Variants in POTEF observed in about 807,000 individuals in gnomAD.
The protein encoded by POTEF is ANKRD26-like family C member 1B.
In POTEF, 20 loss-of-function variants were observed where a neutral mutation model predicts 83.2. The observed-to-expected ratio is 0.24, with a 90% CI of 0.17 to 0.35. POTEF has a LOEUF of 0.35. Among genes scored for constraint, POTEF ranks in the 10% least tolerant of loss-of-function variants. POTEF has a pLI of 1.00. For missense variants in POTEF, 550 were observed against 1,203.2 expected, an observed-to-expected ratio of 0.46 and a Z score of 8.03; for synonymous variants, 196 against 446.4, an observed-to-expected ratio of 0.44 and a Z score of 7.07.
chr2:130,110,814 T>C, intron 6 of POTEF, 134 bp from the exon 7 acceptor site: 1 of 923,270 alleles, frequency 1.1e-6, no homozygotes, highest in Middle Eastern at 4.1e-4. Flanking sequence ...GCAACCTGAG[T>C]GCTCAAGTGT....
chr2:130,104,327 T>A (rs1162716866), intron 8 of POTEF, among the ~76,000 whole-genome samples: 1 of 144,394 alleles, frequency 6.9e-6, no homozygotes, highest in Non-Finnish European at 1.5e-5. Context: ...TGTGTTTGAG[T>A]CAGCAATCTT....
intron 3 of POTEF, among the ~76,000 whole-genome samples, chr2:130,117,887 T>C (rs1183859403): frequency 1.3e-5 from 2 of 152,082 alleles, no homozygotes; most frequent in Admixed American, 1.3e-4. Flanking sequence ...TAAGTACCAC[T>C]GTTCTTCATC....
chr2:130,124,465 T>G (rs1041949974), intron 2 of POTEF, among the ~76,000 whole-genome samples: 1 of 125,076 alleles, frequency 8.0e-6, no homozygotes, highest in African/African-American at 3.3e-5. Context: ...ATTTCCCTCT[T>G]TTGTAATTAG....
At chr2:130,115,972 T>C (rs1684833579) in intron 3 of POTEF, among the ~76,000 whole-genome samples, 1 of 152,022 alleles carries the variant, frequency 6.6e-6, no homozygotes. Flanking sequence ...TATTGAGGCA[T>C]AAAATAATGG....
rs1192843620 is a variant in POTEF at position 130,114,468 on chromosome 2, T to C, written c.810+413A>G. ...GCGCATCACCTCGTATCTATTACTG[T>C]TTTTTAGGAACTTGCCAAAGGAGCA... On this transcript the variant is annotated intron_variant, in intron 5 of 16. Coordinates refer to ENST00000409914, the MANE Select transcript of POTEF (RefSeq NM_001099771.2). Among the ~76,000 whole-genome samples the C allele has an allele frequency of 5.5e-5, 8 of 146,294 alleles. No homozygotes were observed. The South Asian group carries it at 1.4e-3, about 25-fold the overall frequency.
intron 15 of POTEF, among the ~76,000 whole-genome samples, 186 bp from the exon 16 acceptor site, chr2:130,077,387 T>C (rs1489417447): frequency 6.6e-6 from 1 of 152,262 alleles, no homozygotes; most frequent in African/African-American, 2.4e-5. Context: ...ACTGCTTTTG[T>C]GGAAGATAAT....
At chr2:130,119,325 G>C (rs13417823) in intron 3 of POTEF, among the ~76,000 whole-genome samples, 1,956 of 151,732 alleles carry the variant, frequency 0.013, 65 homozygotes, top group African/African-American at 0.045. Context: ...CACCGCACCC[G>C]GCTAATTTTT....
intron 7 of POTEF, among the ~76,000 whole-genome samples, chr2:130,109,000 T>G (rs1182086223): frequency 1.3e-5 from 2 of 151,478 alleles, no homozygotes; most frequent in Admixed American, 1.3e-4. Context: ...TGACATTCTG[T>G]AATTTTCGAC....
At chr2:130,075,879 T>C (rs544886727) in intron 16 of POTEF, among the ~76,000 whole-genome samples, 30 of 150,664 alleles carry the variant, frequency 2.0e-4, no homozygotes, top group Non-Finnish European at 3.7e-4. Context: ...AATCCCAGAA[T>C]TAAAAAAAGC....
chr2:130,094,745 G>A (rs1179252249), intron 11 of POTEF, among the ~76,000 whole-genome samples: 17 of 39,926 alleles, frequency 4.3e-4, no homozygotes, highest in South Asian at 1.1e-3. Context: ...CTGAGATCGC[G>A]CCACTGCACT....
chr2:130,120,046 A>C lies in POTEF; in HGVS notation c.470T>G (p.Leu157Arg). 6.4e-7 allele frequency: 1 copy of C among 1,558,210 alleles called. No homozygotes were observed. The highest frequency in any genetic ancestry group is 8.7e-7 in the Non-Finnish European group (1 of 1,149,712). The change falls in exon 3 of 17, where the codon CTC (leucine) becomes CGC (arginine). Residue 157 changes from leucine to arginine, a missense_variant. Coordinates refer to ENST00000409914, the MANE Select transcript of POTEF (RefSeq NM_001099771.2). Reference sequence around the variant, plus strand: ...GTCAGTGTCCCTGAGCATGACGATGAGATCCTTTCTGGGGACTTTACCCCA... The same window carrying C: ...GTCAGTGTCCCTGAGCATGACGATGCGATCCTTTCTGGGGACTTTACCCCA... ...AWWGKVPRKD[L>R]IVMLRDTDVN...
chr2:130,126,210 G>A (rs946688753), intron 2 of POTEF, among the ~76,000 whole-genome samples: 1 of 138,956 alleles, frequency 7.2e-6, no homozygotes, highest in South Asian at 2.4e-4. Context: ...GGCTGAGGCA[G>A]GAGACTTGCT....
intron 8 of POTEF, among the ~76,000 whole-genome samples, chr2:130,103,206 G>A (rs1324551859): frequency 3.4e-5 from 5 of 147,590 alleles, no homozygotes; most frequent in African/African-American, 5.2e-5. Flanking sequence ...TGGTTCAAGC[G>A]ATTCTCCTGT....
chr2:130,113,426 CT>C (rs1185993907), intron 5 of POTEF, among the ~76,000 whole-genome samples: 2 of 140,348 alleles, frequency 1.4e-5, no homozygotes, highest in Non-Finnish European at 3.1e-5. Context: ...CTAGAGATAC[CT>C]TAAGTTTCTG....
chr2:130,101,295 T>C (rs1684366366), intron 9 of POTEF, among the ~76,000 whole-genome samples: 1 of 150,780 alleles, frequency 6.6e-6, no homozygotes, highest in East Asian at 1.9e-4. Flanking sequence ...TGTCATATGA[T>C]AGTGTTATGT....
chr2:130,119,156 A>C (rs922755957), intron 3 of POTEF, among the ~76,000 whole-genome samples: 2 of 151,048 alleles, frequency 1.3e-5, no homozygotes, highest in African/African-American at 2.4e-5. Flanking sequence ...AAATAGAAAA[A>C]GCTCCCATCT....
intron 8 of POTEF, among the ~76,000 whole-genome samples, chr2:130,104,708 A>G (rs1285253799): frequency 6.6e-6 from 1 of 151,438 alleles, no homozygotes; most frequent in Non-Finnish European, 1.5e-5. Flanking sequence ...GGAGAGTATC[A>G]TTCCCTAAAA....
rs539523899 is a variant in POTEF at position 130,074,789 on chromosome 2, C to T, written c.2683G>A (p.Glu895Lys). ...ATGGTGGTGAACCTATAGCCATGCTCGGTGAGGATCTTCATGAGGTAGTCA... is the reference window on the plus strand; with the variant it reads ...ATGGTGGTGAACCTATAGCCATGCTTGGTGAGGATCTTCATGAGGTAGTCA... Reference protein sequence around the residue: ...LPDYLMKILTEHGYRFTTMAE... With the variant: ...LPDYLMKILTKHGYRFTTMAE... The change falls in exon 17 of 17, where the codon GAG becomes AAG. Residue 895 changes from glutamate to lysine, a missense_variant. Transcript: ENST00000409914. 117 of 1,284,642 alleles carry T rather than the reference C, an allele frequency of 9.1e-5. 15 individuals are homozygous for T. Among genetic ancestry groups the T allele is most frequent in the South Asian group, 1.2e-4 (10 of 80,488 alleles). 79.6% of individuals were successfully genotyped at this position (1,284,642 alleles called of 1,614,324 possible). A position where few individuals can be genotyped will look rare whatever the true frequency, so the allele number is the denominator to read the frequency against.
At chr2:130,105,404 A>C (rs1684495799) in intron 8 of POTEF, among the ~76,000 whole-genome samples, 1 of 151,638 alleles carries the variant, frequency 6.6e-6, no homozygotes. Flanking sequence ...TGCTACTCCA[A>C]GGATGTATGA....
Sources: allele counts gnomAD v4.1 joint callset (sites outside exome capture counted in the v4.1 genomes callset), GRCh38; gene constraint gnomAD v4.1.1; transcripts MANE v1.5; gene names NCBI Gene and HGNC (gene_info 2026-07-23, HGNC 2026-07-21).